Variants in SMG6 observed in about 807,000 individuals in gnomAD.
SMG6 encodes telomerase-binding protein EST1A.
SMG6 carries 66 observed loss-of-function variants against 142.2 expected under a neutral mutation model. The ratio of observed to expected loss-of-function variants is 0.46; its 90% CI spans 0.38 to 0.57. The LOEUF is 0.57. Among genes scored for constraint, SMG6 ranks in the 20% least tolerant of loss-of-function variants. The pLI is 0.00. For synonymous variants in SMG6, 779 were observed against 702.4 expected, an observed-to-expected ratio of 1.11 and a Z score of -1.72; for missense variants, 1,793 against 1,832.0, an observed-to-expected ratio of 0.98 and a Z score of 0.39.
intron 13 of SMG6, among the ~76,000 whole-genome samples, chr17:2,107,080 T>C (rs1487506631): frequency 6.6e-6 from 1 of 152,154 alleles, no homozygotes; most frequent in East Asian, 1.9e-4. Flanking sequence ...AGTCTTGAAC[T>C]CCTGACCTCA....
At chr17:2,179,239 C>A (rs2071736065) in intron 12 of SMG6, among the ~76,000 whole-genome samples, 1 of 152,188 alleles carries the variant, frequency 6.6e-6, no homozygotes, top group African/African-American at 2.4e-5. Context: ...CAGGGAAGTG[C>A]TGATGGACTA....
intron 13 of SMG6, among the ~76,000 whole-genome samples, chr17:2,170,548 T>C (rs1322968588): frequency 6.6e-6 from 1 of 152,248 alleles, no homozygotes; most frequent in Non-Finnish European, 1.5e-5. Context: ...ATAAAACAAC[T>C]TGTTAGCTGT....
intron 13 of SMG6, among the ~76,000 whole-genome samples, chr17:2,160,228 T>C (rs2071133030): frequency 6.6e-6 from 1 of 152,200 alleles, no homozygotes; most frequent in Non-Finnish European, 1.5e-5. Flanking sequence ...TTATTTTTAA[T>C]TAATTTTTTT....
At chr17:2,153,876 C>G (rs1475927629) in intron 13 of SMG6, among the ~76,000 whole-genome samples, 1 of 91,168 alleles carries the variant, frequency 1.1e-5, no homozygotes, top group South Asian at 4.2e-4. Flanking sequence ...GTAGAGTGTG[C>G]GGTGACGGGG....
chr17:2,172,313 C>A lies in SMG6; in HGVS notation c.3357+345G>T, dbSNP rs1368123609. Among the ~76,000 whole-genome samples, 4 of 144,172 alleles carry A rather than the reference C, an allele frequency of 2.8e-5. No individual in the cohort carries two copies. The Admixed American group carries it at 2.8e-4, about 10-fold the overall frequency. The allele number at this position is 144,172 out of a possible 152,430, so 94.6% of individuals were successfully genotyped here. ...TGCAGAGCTTTGTGGCGGAGGGGGG[C>A]GGGGAGGAAGGGGGAGAAAGGAGGG... On this transcript the variant is annotated intron_variant, in intron 13 of 18. Transcript: ENST00000263073.
At chr17:2,092,798 A>T (rs1393597632) in intron 13 of SMG6, among the ~76,000 whole-genome samples, 1 of 152,272 alleles carries the variant, frequency 6.6e-6, no homozygotes, top group African/African-American at 2.4e-5. Context: ...ATAGTTACAC[A>T]GACGTGAGTT....
intron 13 of SMG6, among the ~76,000 whole-genome samples, chr17:2,123,074 A>T (rs1294893689): frequency 6.6e-6 from 1 of 152,238 alleles, no homozygotes; most frequent in Non-Finnish European, 1.5e-5. Flanking sequence ...ACGCTAGACA[A>T]TGCTGCCGCA....
chr17:2,085,959 G>A lies in SMG6; in HGVS notation c.3358-58C>T, dbSNP rs986354901. The A allele has an allele frequency of 2.1e-5, 32 of 1,557,324 alleles. No individual in the cohort carries two copies. The highest frequency in any genetic ancestry group is 1.7e-4 in the Middle Eastern group (1 of 5,970). On this transcript the variant is annotated intron_variant, in intron 13 of 18. Coordinates refer to ENST00000263073, the MANE Select transcript of SMG6 (RefSeq NM_017575.5). This position sits in a 1 kb window ranked among gnomAD's most constrained non-coding sequence, Gnocchi z 4.1. ...ATTTTCTGAAAGGGAAGATGGAGAC[G>A]AGATGTTGCTTGCCGGCTGAGGGGC...
At chr17:2,121,823 C>T (rs1253892089) in intron 13 of SMG6, among the ~76,000 whole-genome samples, 6 of 151,760 alleles carry the variant, frequency 4.0e-5, no homozygotes, top group Non-Finnish European at 5.9e-5. Flanking sequence ...CGCCATGTTG[C>T]CCAGGCTGGT....
At chr17:2,118,560 GT>G (rs2069580933) in intron 13 of SMG6, among the ~76,000 whole-genome samples, 1 of 150,792 alleles carries the variant, frequency 6.6e-6, no homozygotes, top group South Asian at 2.1e-4. Context: ...TATTTCCAAT[GT>G]CTCATAGACC....
intron 6 of SMG6, among the ~76,000 whole-genome samples, chr17:2,289,980 T>C (rs1248709097): frequency 6.7e-6 from 1 of 149,298 alleles, no homozygotes; most frequent in Non-Finnish European, 1.5e-5. Context: ...TTAAAATTTT[T>C]CTCAATGAGC....
intron 13 of SMG6, among the ~76,000 whole-genome samples, chr17:2,125,760 C>G (rs2069854049): frequency 6.6e-6 from 1 of 152,110 alleles, no homozygotes; most frequent in Admixed American, 6.6e-5. Flanking sequence ...GGAGACCAGC[C>G]TGGTCAACAT....
In SMG6 at chr17:2,303,282, C is replaced by T. The variant is rs534903259; in HGVS notation, c.88+351G>A. Reference sequence around the variant, plus strand: ...GAGGGCGGCCTGGAGAGCGATACGCCCGGGGCCTCCACCAGACCCCACTCC... The same window carrying T: ...GAGGGCGGCCTGGAGAGCGATACGCTCGGGGCCTCCACCAGACCCCACTCC... On this transcript the variant is annotated intron_variant, in intron 1 of 18. Coordinates refer to ENST00000263073, the MANE Select transcript of SMG6 (RefSeq NM_017575.5). 8.3e-6 allele frequency: 9 copies of T among 1,085,534 alleles called. No homozygotes were observed. The South Asian group carries it at 2.6e-4, about 32-fold the overall frequency. The allele number at this position is 1,085,534 out of a possible 1,614,324, so 67.2% of individuals were successfully genotyped here. A position where few individuals can be genotyped will look rare whatever the true frequency, so the allele number is the denominator to read the frequency against.
intron 13 of SMG6, among the ~76,000 whole-genome samples, chr17:2,159,473 A>G (rs566341009): frequency 1.3e-5 from 2 of 152,252 alleles, no homozygotes; most frequent in East Asian, 1.9e-4. Flanking sequence ...AACCAAAATG[A>G]GATACTACTT....
intron 12 of SMG6, 191 bp from the exon 13 acceptor site, chr17:2,173,050 G>A (rs780038611): frequency 1.7e-6 from 1 of 605,804 alleles, no homozygotes; most frequent in East Asian, 2.8e-5. Flanking sequence ...ATGTGTATGT[G>A]GATTTATGCA....
At chr17:2,134,220 C>T (rs1462603300) in intron 13 of SMG6, among the ~76,000 whole-genome samples, 1 of 151,644 alleles carries the variant, frequency 6.6e-6, no homozygotes, top group Non-Finnish European at 1.5e-5. Flanking sequence ...GAGTTCGAGA[C>T]CAGCCTGTCC....
chr17:2,122,887 G>A (rs975201744), intron 13 of SMG6, among the ~76,000 whole-genome samples: 2 of 152,266 alleles, frequency 1.3e-5, no homozygotes, highest in Non-Finnish European at 1.5e-5. Flanking sequence ...ACTGAGCACA[G>A]AGGGGCCCCT....
At chr17:2,284,011 CAG>C in intron 6 of SMG6, among the ~76,000 whole-genome samples, 1 of 152,222 alleles carries the variant, frequency 6.6e-6, no homozygotes, top group East Asian at 1.9e-4. Flanking sequence ...AAAATATAAA[CAG>C]AAATTACATC....
chr17:2,150,771 A>G (rs1004491755), intron 13 of SMG6, among the ~76,000 whole-genome samples: 10 of 152,342 alleles, frequency 6.6e-5, no homozygotes, highest in Non-Finnish European at 1.5e-4. Context: ...GTTTTTAAAA[A>G]TCACAAATGA....
Sources: gnomAD v4.1 joint callset for allele counts (sites outside exome capture counted in the v4.1 genomes callset) on GRCh38, gnomAD v4.1.1 for gene constraint, Gnocchi (gnomAD v3.1) non-coding constraint, MANE v1.5 for transcripts, NCBI Gene and HGNC (gene_info 2026-07-23, HGNC 2026-07-21) for gene names.